Variants in BTBD8 observed in about 807,000 individuals in gnomAD.
BTBD8 encodes the protein BTB domain containing 8.
BTBD8 carries 110 observed loss-of-function variants against 162.9 expected under a neutral mutation model. The ratio of observed to expected loss-of-function variants is 0.68; its 90% CI spans 0.58 to 0.79. The LOEUF is 0.79. BTBD8 is among the 30% of genes least tolerant of loss of function. The probability of loss-of-function intolerance (pLI) is 0.00; values close to 1 mark genes in which losing one functional copy is unlikely to be tolerated. For missense variants in BTBD8, 1,905 were observed against 2,085.4 expected (o/e 0.91, Z 1.68); for synonymous variants, 667 against 716.1 (o/e 0.93, Z 1.10).
At position 92,167,059 on chromosome 1, in the gene BTBD8, G is replaced by A. The variant is rs1650403283; in HGVS notation, c.1224G>A (p.Gln408=). ...AAGCAGCACTGACCATGGCGTCTCA[G>A]CTTCAAGAAAAATGTATTGCATTTA... ...WTEAALTMAS[Q]LQEKCIAFIV... is the part of the protein sequence containing the mutation. The change falls in exon 10 of 18, where the codon CAG becomes CAA. Residue 408 remains glutamine (Q), a synonymous_variant. Transcript: ENST00000636805. The A allele has an allele frequency of 6.4e-7, 1 of 1,550,480 alleles. No individual in the cohort carries two copies. The highest frequency in any genetic ancestry group is 8.7e-7 in the Non-Finnish European group (1 of 1,147,030).
intron 2 of BTBD8, among the ~76,000 whole-genome samples, chr1:92,100,393 T>C (rs1266462239): frequency 6.6e-6 from 1 of 152,152 alleles, no homozygotes; most frequent in African/African-American, 2.4e-5. Flanking sequence ...TTGTGAAGGA[T>C]TGGTGTTAAT....
chr1:92,107,039 A>C (rs1022814423), intron 3 of BTBD8, among the ~76,000 whole-genome samples: 8 of 152,194 alleles, frequency 5.3e-5, no homozygotes, highest in African/African-American at 1.9e-4. Context: ...TGTTCATGCC[A>C]CTGCACTCCA....
At chr1:92,174,598 T>G (rs138482120) in intron 13 of BTBD8, among the ~76,000 whole-genome samples, 3 of 150,054 alleles carry the variant, frequency 2.0e-5, no homozygotes, top group Non-Finnish European at 3.0e-5. Context: ...GAAGTCAGCC[T>G]GGTTTTAGGT....
chr1:92,098,031 T>G (rs1042655695), intron 2 of BTBD8, among the ~76,000 whole-genome samples: 1 of 152,186 alleles, frequency 6.6e-6, no homozygotes, highest in African/African-American at 2.4e-5. Flanking sequence ...ATGCCCAGGT[T>G]TTTTTAATTG....
At chr1:92,173,460 T>A (rs1358940670) in intron 13 of BTBD8, among the ~76,000 whole-genome samples, 1 of 152,174 alleles carries the variant, frequency 6.6e-6, no homozygotes, top group Non-Finnish European at 1.5e-5. Flanking sequence ...CCGTGTTTTT[T>A]AAAGGCCCCC....
Position 92,177,899 on chromosome 1 carries a change from G to A in BTBD8, c.2441+1G>A. 6.9e-7 allele frequency: 1 copy of A among 1,458,638 alleles called. No homozygotes were observed. The highest frequency in any genetic ancestry group is 9.4e-7 in the Non-Finnish European group (1 of 1,063,624). 90.4% of individuals were successfully genotyped at this position (1,458,638 alleles called of 1,614,324 possible). A position where few individuals can be genotyped will look rare whatever the true frequency, so the allele number is the denominator to read the frequency against. ...AACAAGACACTAATGTAAATAACAG[G>A]TAGGTCTTCATTCAGTGTTTTAACC... On this transcript the variant is annotated splice_donor_variant, in intron 15 of 17. Transcript: ENST00000636805. LOFTEE classifies it high-confidence loss of function.
intron 4 of BTBD8, chr1:92,125,685 C>A: frequency 2.8e-6 from 1 of 361,168 alleles, no homozygotes; most frequent in South Asian, 2.5e-5. Context: ...TACCAAAAGC[C>A]ATTATAAGGC....
intron 11 of BTBD8, 147 bp downstream of exon 11, chr1:92,168,132 T>G: frequency 5.4e-6 from 3 of 555,434 alleles, no homozygotes; most frequent in Non-Finnish European, 8.4e-6. Flanking sequence ...TGTATATGTT[T>G]GGAATTTTTT....
chr1:92,109,563 G>A (rs1418974150), intron 4 of BTBD8, among the ~76,000 whole-genome samples: 1 of 152,062 alleles, frequency 6.6e-6, no homozygotes, highest in Non-Finnish European at 1.5e-5. Flanking sequence ...TGTTCACCTA[G>A]CAGTAAAAAA....
intron 9 of BTBD8, among the ~76,000 whole-genome samples, chr1:92,164,724 C>T (rs1158559769): frequency 2.0e-5 from 3 of 147,800 alleles, no homozygotes; most frequent in South Asian, 2.2e-4. Flanking sequence ...TGCAGTGGTG[C>T]GATCTTGGCT....
chr1:92,178,505 A>G (rs1393834098), intron 16 of BTBD8, 54 bp downstream of exon 16: 3 of 1,427,400 alleles, frequency 2.1e-6, no homozygotes, highest in African/African-American at 1.4e-5. Flanking sequence ...TGTAAACTGG[A>G]TAAGCCAAAC....
intron 4 of BTBD8, among the ~76,000 whole-genome samples, chr1:92,111,710 T>C (rs1255690236): frequency 6.6e-6 from 1 of 152,220 alleles, no homozygotes; most frequent in East Asian, 1.9e-4. Context: ...ATAATGCACA[T>C]GAAGCACTTA....
At chr1:92,115,481 A>C in intron 4 of BTBD8, 1 of 452,336 alleles carries the variant, frequency 2.2e-6, no homozygotes, top group Non-Finnish European at 4.3e-6. Flanking sequence ...AGTGAGCCCC[A>C]GCCTTCTCCA....
chr1:92,090,436 A>G (rs754317805), intron 2 of BTBD8, among the ~76,000 whole-genome samples: 60 of 152,026 alleles, frequency 3.9e-4, no homozygotes, highest in Non-Finnish European at 7.8e-4. Context: ...TGCCATTTTT[A>G]TATCTTTGGA....
chr1:92,180,807 C>A lies in BTBD8; in HGVS notation c.3124C>A (p.Leu1042Met). 1.3e-6 allele frequency: 2 copies of A among 1,551,552 alleles called. No homozygotes were observed. Residue 1042 changes from leucine to methionine, a missense_variant, in exon 17 of 18, where the codon CTG (leucine) becomes ATG (methionine). Physicochemically the swap from Leu to Met is conservative, Grantham distance 15 (BLOSUM62 2). Around this residue, in one of 3 missense-constraint regions of BTBD8, gnomAD observed 1,374 missense variants for 1,442.7 expected, o/e 0.95. Transcript: ENST00000636805. ...GCTGGATAAATCATTAAAACACGAA[C>A]TGGAATCAAAACAGATTTGTTTAGA... The part of the protein sequence containing the change: ...SKLDKSLKHE[L>M]ESKQICLDKS...
At chr1:92,173,931 GTTTTTTGTTTGTT>G (rs1222143882) in intron 13 of BTBD8, among the ~76,000 whole-genome samples, 1 of 151,952 alleles carries the variant, frequency 6.6e-6, no homozygotes, top group Non-Finnish European at 1.5e-5. Context: ...AGGGAAAGAG[GTTTTTTGTTTGTT>G]TGTTTTGTTG....
intron 5 of BTBD8, among the ~76,000 whole-genome samples, chr1:92,136,602 G>A (rs750038321): frequency 4.6e-5 from 7 of 152,134 alleles, no homozygotes; most frequent in African/African-American, 1.7e-4. Flanking sequence ...TAAATGGCAC[G>A]ACCCTGCCCT....
chr1:92,087,916 G>C (rs1041749331), intron 1 of BTBD8, among the ~76,000 whole-genome samples: 3 of 152,160 alleles, frequency 2.0e-5, no homozygotes, highest in African/African-American at 7.2e-5. Flanking sequence ...AATATTTAGA[G>C]AGTAAAATAG....
intron 5 of BTBD8, among the ~76,000 whole-genome samples, chr1:92,130,152 G>A (rs1649476935): frequency 6.6e-6 from 1 of 152,092 alleles, no homozygotes; most frequent in South Asian, 2.1e-4. Context: ...TTTCCTTGGT[G>A]CGTGCACTTG....
Sources: gnomAD v4.1 joint callset for allele counts (sites outside exome capture counted in the v4.1 genomes callset) on GRCh38, gnomAD v4.1.1 for gene constraint, gnomAD v4.1.1 regional missense constraint, MANE v1.5 for transcripts, NCBI Gene and HGNC (gene_info 2026-07-23, HGNC 2026-07-21) for gene names.